Variants in DNAH3 observed in about 807,000 individuals in gnomAD.
DNAH3 encodes axonemal beta dynein heavy chain 3.
A neutral mutation model predicts 432.5 loss-of-function variants in DNAH3; 332 were observed. That is an observed-to-expected ratio of 0.77 (90% CI 0.70 to 0.84). The LOEUF (loss-of-function observed/expected upper bound fraction) is 0.84. DNAH3 is among the 40% of genes least tolerant of loss of function. DNAH3 has a pLI of 0.00. For synonymous variants in DNAH3, 1,956 were observed against 1,900.2 expected, an observed-to-expected ratio of 1.03 and a Z score of -0.76; for missense variants, 4,861 against 5,114.0, an observed-to-expected ratio of 0.95 and a Z score of 1.51.
chr16:21,101,675 C>T (rs1272951887), intron 16 of DNAH3, among the ~76,000 whole-genome samples: 1 of 152,146 alleles, frequency 6.6e-6, no homozygotes, highest in Non-Finnish European at 1.5e-5. Flanking sequence ...CAGAGGGAAG[C>T]CATTAGGACC....
chr16:21,071,616 G>A (rs1399006131), intron 21 of DNAH3, among the ~76,000 whole-genome samples: 1 of 152,080 alleles, frequency 6.6e-6, no homozygotes, highest in Non-Finnish European at 1.5e-5. Context: ...GGCTGGACAA[G>A]GTGGCTCATG....
In DNAH3 at chr16:20,956,224, C is replaced by T. The variant is rs926829748; in HGVS notation, c.10827-1167G>A. Among the ~76,000 whole-genome samples the T allele has an allele frequency of 2.6e-5, 4 of 152,302 alleles. 1 individual carries two copies. In the South Asian group the frequency reaches 8.3e-4, roughly 32 times the overall value. ...ATTTACAGGTGTGAGCCACTGCGCC[C>T]GGCCAGAGTTGCTAACGTTTAAAAA... is the stretch of plus-strand genomic sequence containing the variant. On this transcript the variant is annotated intron_variant, in intron 54 of 61. Coordinates refer to ENST00000261383, the Ensembl canonical transcript of DNAH3.
intron 14 of DNAH3, among the ~76,000 whole-genome samples, chr16:21,109,122 CA>C (rs201303338): frequency 0.038 from 2,399 of 62,362 alleles, 40 homozygotes; most frequent in African/African-American, 0.096. Flanking sequence ...GACTCTGTCT[CA>C]AAAAAAAAAA....
At chr16:20,975,259 C>A (rs1307488799) in exon 51 of DNAH3, 6 of 1,613,862 alleles carry the variant, frequency 3.7e-6, no homozygotes, top group Non-Finnish European at 4.2e-6. Context: ...ATGGCAGCAG[C>A]AACATTGGCT....
intron 39 of DNAH3, among the ~76,000 whole-genome samples, chr16:21,023,152 A>G (rs888583457): frequency 1.3e-5 from 2 of 152,122 alleles, no homozygotes; most frequent in Non-Finnish European, 2.9e-5. Flanking sequence ...CTATATAGAT[A>G]ATTTATGTAT....
intron 34 of DNAH3, 149 bp downstream of exon 34, chr16:21,037,612 T>C (rs1338290884): frequency 1.5e-6 from 1 of 649,744 alleles, no homozygotes; most frequent in Non-Finnish European, 2.7e-6. Flanking sequence ...ACTCTTATTA[T>C]TTAACATTTG....
In DNAH3 at chr16:20,963,563, G is replaced by A. The variant is rs751486123; in HGVS notation, c.10321C>T (p.Gln3441Ter). The A allele has an allele frequency of 6.2e-7, 1 of 1,614,040 alleles. No homozygotes were observed. The highest frequency in any genetic ancestry group is 8.5e-7 in the Non-Finnish European group (1 of 1,180,022). ...ATCAGCTTCCATTCACCCAGGTTCT[G>A]TTCCAAATGCTCCATCAGGCCATGC... Residue 3441 changes from glutamine (Q) to a stop codon, truncating the protein, a stop_gained, in exon 53 of 62, where the codon CAG becomes TAG. Transcript: ENST00000261383. LOFTEE classifies it high-confidence loss of function.
At chr16:20,959,655 A>C (rs111628224) in intron 53 of DNAH3, among the ~76,000 whole-genome samples, 79 of 138,276 alleles carry the variant, frequency 5.7e-4, no homozygotes, top group African/African-American at 1.0e-3. Context: ...ACACACACAC[A>C]CCCCAACACA....
chr16:21,059,735 A>G (rs1389647561), intron 26 of DNAH3, among the ~76,000 whole-genome samples: 1 of 151,316 alleles, frequency 6.6e-6, no homozygotes, highest in Non-Finnish European at 1.5e-5. Flanking sequence ...AGATCGTACC[A>G]CTGCATTTCA....
intron 27 of DNAH3, among the ~76,000 whole-genome samples, chr16:21,055,245 G>A (rs1400638317): frequency 6.6e-6 from 1 of 152,144 alleles, no homozygotes; most frequent in African/African-American, 2.4e-5. Flanking sequence ...TAGTAGAGAT[G>A]GGGTTTTGCC....
chr16:21,110,287 A>G (rs533863953), intron 14 of DNAH3, among the ~76,000 whole-genome samples: 14 of 152,320 alleles, frequency 9.2e-5, no homozygotes, highest in Admixed American at 6.5e-4. Flanking sequence ...AGATGGGAAC[A>G]CCCAGCCAGA....
At chr16:20,972,119 A>T (rs1034922423) in intron 51 of DNAH3, among the ~76,000 whole-genome samples, 2 of 152,196 alleles carry the variant, frequency 1.3e-5, no homozygotes, top group Non-Finnish European at 2.9e-5. Context: ...TCTATTTAAT[A>T]CCGAAGATGA....
At chr16:20,954,759 T>C (rs1009870719) in intron 55 of DNAH3, 54 bp downstream of exon 55, 5 of 1,589,042 alleles carry the variant, frequency 3.1e-6, no homozygotes, top group Non-Finnish European at 4.3e-6. Flanking sequence ...AACACACCTA[T>C]ATGTGTCTGA....
Position 21,062,621 on chromosome 16 carries a change from CG to C in DNAH3, c.3580del (p.Arg1194GlufsTer6). 4 of 1,614,048 alleles carry C rather than the reference CG, an allele frequency of 2.5e-6. No homozygotes were observed. Among genetic ancestry groups the C allele is most frequent in the Non-Finnish European group, 3.4e-6 (4 of 1,179,940 alleles). ...GCACTTCTTCAAGTGCGGCTGCACTCGGAGAGGGTCCTTTGTCTCGGACAAG... is the reference window on the plus strand; with the variant it reads ...GCACTTCTTCAAGTGCGGCTGCACTCGAGAGGGTCCTTTGTCTCGGACAAG... On this transcript the variant is annotated frameshift_variant, in exon 25 of 62. Coordinates refer to ENST00000261383, the Ensembl canonical transcript of DNAH3. LOFTEE classifies it high-confidence loss of function.
In DNAH3 at chr16:20,964,512, AG is replaced by A. The variant is rs761571956; in HGVS notation, c.9371del (p.Pro3124LeufsTer3). 4 of 1,614,174 alleles carry A rather than the reference AG, an allele frequency of 2.5e-6. No individual in the cohort carries two copies. In the Admixed American group the frequency reaches 5.0e-5, roughly 20 times the overall value. The stretch of plus-strand genomic sequence containing the variant: ...CTTCTCCAATGTTTTCAATCAAGAC[AG>A]GGGTGCCTAACTGCAGCGCGTTTTC... On this transcript the variant is annotated frameshift_variant, in exon 53 of 62. Transcript: ENST00000261383. LOFTEE classifies it high-confidence loss of function.
At chr16:20,952,392 A>G (rs1469412729) in intron 56 of DNAH3, 41 bp downstream of exon 56, 1 of 1,219,016 alleles carries the variant, frequency 8.2e-7, no homozygotes, top group South Asian at 1.2e-5. Flanking sequence ...GTGGAACATG[A>G]TACTGGAGGT....
intron 53 of DNAH3, among the ~76,000 whole-genome samples, chr16:20,962,255 C>G (rs1349631160): frequency 6.6e-6 from 1 of 152,080 alleles, no homozygotes; most frequent in Non-Finnish European, 1.5e-5. Flanking sequence ...TTTCAAAGGC[C>G]ACTAAAACTA....
rs748305297 is a variant in DNAH3 at position 20,987,358 on chromosome 16, A to G, written c.6973T>C (p.Phe2325Leu). 3 of 1,614,086 alleles carry G rather than the reference A, an allele frequency of 1.9e-6. No homozygotes were observed. The East Asian group carries it at 6.7e-5, about 36-fold the overall frequency. ...GAGGTGGTTTCCTTCACCATGTTGA[A>G]AAAGACCTGTCTGTCCTCCTTGTCA... Residue 2325 changes from phenylalanine (F) to leucine (L), a missense_variant, in exon 47 of 62, where the codon TTC (phenylalanine) becomes CTC (leucine). Physicochemically the swap from Phe to Leu is conservative, Grantham distance 22. Coordinates refer to ENST00000261383, the Ensembl canonical transcript of DNAH3.
intron 1 of DNAH3, among the ~76,000 whole-genome samples, chr16:21,151,660 G>A (rs2092854207): frequency 6.6e-6 from 1 of 151,998 alleles, no homozygotes; most frequent in Non-Finnish European, 1.5e-5. Flanking sequence ...GGGCAAACTG[G>A]GATAGTTTGA....
Sources: allele counts gnomAD v4.1 joint callset (sites outside exome capture counted in the v4.1 genomes callset), GRCh38; gene constraint gnomAD v4.1.1; transcripts MANE v1.5; gene names NCBI Gene and HGNC (gene_info 2026-07-23, HGNC 2026-07-21).